LMBR1: variants seen among roughly 807,000 people sequenced by gnomAD.
LMBR1 encodes the protein limb region 1 protein homolog.
A neutral mutation model predicts 73.9 loss-of-function variants in LMBR1; 52 were observed. That is an observed-to-expected ratio of 0.70 (90% CI 0.56 to 0.89). LMBR1 has a LOEUF of 0.89. Ranked by LOEUF, LMBR1 falls within the 40% of genes least tolerant of loss-of-function variation. The pLI is 0.00. For missense variants in LMBR1, 539 were observed against 579.8 expected, an observed-to-expected ratio of 0.93 and a Z score of 0.72; for synonymous variants, 215 against 209.4, an observed-to-expected ratio of 1.03 and a Z score of -0.23.
intron 5 of LMBR1, among the ~76,000 whole-genome samples, chr7:156,781,487 T>G (rs1015482107): frequency 6.6e-6 from 1 of 152,136 alleles, no homozygotes; most frequent in Admixed American, 6.5e-5. Flanking sequence ...TCAGTGCAGA[T>G]GCATACATAC....
chr7:156,721,526 A>G lies in LMBR1; in HGVS notation c.1225+2586T>C, dbSNP rs145679016. Among the ~76,000 whole-genome samples, 505 of 152,212 alleles carry G rather than the reference A, an allele frequency of 3.3e-3. 10 individuals are homozygous for G. In the East Asian group the frequency reaches 0.036, roughly 11 times the overall value. On this transcript the variant is annotated intron_variant, in intron 15 of 16. Coordinates refer to ENST00000353442, the MANE Select transcript of LMBR1 (RefSeq NM_022458.4). ...TTTTATCACCCTGAGAGTCTATTAA[A>G]CTACACAGTAAACTGTTTACTAAAA...
chr7:156,800,096 T>C (rs1166407656), intron 4 of LMBR1, among the ~76,000 whole-genome samples: 2 of 152,222 alleles, frequency 1.3e-5, no homozygotes. Context: ...ATGGAGAAGC[T>C]GTAGCAAGTT....
rs1804703323 is a variant in LMBR1 at position 156,679,867 on chromosome 7, C to A, written c.*4211G>T. 1 of 152,112 alleles carries A rather than the reference C, an allele frequency of 6.6e-6. No individual in the cohort carries two copies. The highest frequency in any genetic ancestry group is 1.5e-5 in the Non-Finnish European group (1 of 68,026). The allele number at this position is 152,112 out of a possible 1,614,324, so 9.4% of individuals were successfully genotyped here. Reference sequence around the variant, plus strand: ...GAATAATGAGGTTTTGTGTGAAGTTCCTATTTGATTATAGTTAACCTTGAA... The same window carrying A: ...GAATAATGAGGTTTTGTGTGAAGTTACTATTTGATTATAGTTAACCTTGAA... On this transcript the variant is annotated 3_prime_UTR_variant, in exon 17 of 17. Transcript: ENST00000353442.
chr7:156,697,123 C>T (rs901486286), intron 15 of LMBR1, among the ~76,000 whole-genome samples: 3 of 152,060 alleles, frequency 2.0e-5, no homozygotes, highest in African/African-American at 2.4e-5. Flanking sequence ...TCAGTAGGAC[C>T]GTGATGCCCA....
Position 156,739,755 on chromosome 7 carries a change from G to A in LMBR1, c.758-5498C>T, listed in dbSNP as rs557055683. Reference sequence around the variant, plus strand: ...GAGGGCCGAGTTCCTTTGAATATCCGGAAAGCCTTCCCAAGAAAGACAGGC... The same window carrying A: ...GAGGGCCGAGTTCCTTTGAATATCCAGAAAGCCTTCCCAAGAAAGACAGGC... On this transcript the variant is annotated intron_variant, in intron 9 of 16. Coordinates refer to ENST00000353442, the MANE Select transcript of LMBR1 (RefSeq NM_022458.4). 3.3e-5 allele frequency among the ~76,000 whole-genome samples: 5 copies of A among 152,218 alleles called. No homozygotes were observed. In the South Asian group the frequency reaches 6.2e-4, roughly 19 times the overall value.
chr7:156,692,179 C>T (rs576338017), intron 15 of LMBR1, among the ~76,000 whole-genome samples: 55 of 152,222 alleles, frequency 3.6e-4, no homozygotes, highest in Non-Finnish European at 7.2e-4. Flanking sequence ...TGGGTTCAAG[C>T]GATTTTCCTG....
intron 5 of LMBR1, among the ~76,000 whole-genome samples, chr7:156,795,813 A>G (rs1389623764): frequency 6.6e-6 from 1 of 152,200 alleles, no homozygotes; most frequent in Non-Finnish European, 1.5e-5. Context: ...GCAGCCTCCC[A>G]AAGTGGTGGA....
At chr7:156,748,845 T>A (rs1820328168) in intron 9 of LMBR1, among the ~76,000 whole-genome samples, 1 of 152,214 alleles carries the variant, frequency 6.6e-6, no homozygotes, top group Admixed American at 6.5e-5. Flanking sequence ...ATAAAATATA[T>A]GATATTTAAC....
intron 15 of LMBR1, 111 bp downstream of exon 15, chr7:156,724,001 A>G (rs1195180974): frequency 4.1e-6 from 3 of 729,420 alleles, no homozygotes; most frequent in African/African-American, 1.8e-5. Context: ...TAATGTAGGA[A>G]GAAACACTGT....
Position 156,748,706 on chromosome 7 carries a change from C to T in LMBR1, c.757+7687G>A, listed in dbSNP as rs528768225. Among the ~76,000 whole-genome samples, 3 of 152,272 alleles carry T rather than the reference C, an allele frequency of 2.0e-5. No homozygotes were observed. In the South Asian group the frequency reaches 6.2e-4, roughly 32 times the overall value. ...GTTTCACCATGTTGGCCAGGCTGGT[C>T]TTGAACTCCTTACCTCAGGTGATCT... On this transcript the variant is annotated intron_variant, in intron 9 of 16. Coordinates refer to ENST00000353442, the MANE Select transcript of LMBR1 (RefSeq NM_022458.4).
chr7:156,877,126 C>T (rs971615465), intron 1 of LMBR1, among the ~76,000 whole-genome samples: 11 of 151,994 alleles, frequency 7.2e-5, no homozygotes, highest in Admixed American at 5.2e-4. Flanking sequence ...ATTATAAACA[C>T]CTTTAGACAC....
chr7:156,882,958 G>A (rs1342524464), intron 1 of LMBR1, among the ~76,000 whole-genome samples: 1 of 152,134 alleles, frequency 6.6e-6, no homozygotes, highest in East Asian at 1.9e-4. Flanking sequence ...TTGAACCCGG[G>A]AGGTGGAGGT....
intron 5 of LMBR1, among the ~76,000 whole-genome samples, chr7:156,782,981 T>C (rs1023254406): frequency 2.6e-5 from 4 of 152,200 alleles, no homozygotes; most frequent in African/African-American, 4.8e-5. Context: ...CTTGTAATAT[T>C]TGATAGAGGA....
rs75912904 is a variant in LMBR1 at position 156,837,680 on chromosome 7, G to C, written c.67-795C>G. Among the ~76,000 whole-genome samples, 1,273 of 152,050 alleles carry C rather than the reference G, an allele frequency of 8.4e-3. 12 individuals are homozygous for C. The highest frequency in any genetic ancestry group is 0.029 in the African/African-American group (1,213 of 41,474). ...CATACAAATGGAATCACAAATCAAT[G>C]TAGGTGGGAAATAATTATTCAATAG... is the stretch of plus-strand genomic sequence containing the variant. On this transcript the variant is annotated intron_variant, in intron 1 of 16. Coordinates refer to ENST00000353442, the MANE Select transcript of LMBR1 (RefSeq NM_022458.4).
intron 15 of LMBR1, among the ~76,000 whole-genome samples, chr7:156,712,497 C>CA (rs1215483601): frequency 1.3e-5 from 2 of 152,182 alleles, no homozygotes; most frequent in Non-Finnish European, 2.9e-5. Context: ...TCTGATCCAG[C>CA]AATCCCAGTA....
intron 4 of LMBR1, 51 bp from the exon 5 acceptor site, chr7:156,796,543 T>C: frequency 2.5e-6 from 3 of 1,203,352 alleles, no homozygotes; most frequent in Non-Finnish European, 3.5e-6. Flanking sequence ...ATATTGAAAT[T>C]GTGGTATTAA....
chr7:156,686,526 C>T (rs1806052964), intron 16 of LMBR1, among the ~76,000 whole-genome samples: 1 of 152,162 alleles, frequency 6.6e-6, no homozygotes, highest in African/African-American at 2.4e-5. Flanking sequence ...CCGTAGCACA[C>T]CCCAAAGAAT....
chr7:156,852,605 A>C lies in LMBR1; in HGVS notation c.67-15720T>G, dbSNP rs1796385937. Among the ~76,000 whole-genome samples the C allele has an allele frequency of 2.0e-5, 3 of 152,342 alleles. No homozygotes were observed. The South Asian group carries it at 6.2e-4, about 32-fold the overall frequency. On this transcript the variant is annotated intron_variant, in intron 1 of 16. Transcript: ENST00000353442. ...AAAAGTAACACCAAATAAAATCTTT[A>C]CATTATTGCCTTTTGCTAAACAGGG... is the stretch of plus-strand genomic sequence containing the variant.
intron 4 of LMBR1, among the ~76,000 whole-genome samples, chr7:156,810,718 T>G (rs1832944986): frequency 1.3e-5 from 2 of 151,214 alleles, no homozygotes; most frequent in African/African-American, 4.9e-5. Flanking sequence ...CAACATGAGG[T>G]ATGGGGGAAT....
Sources: allele counts gnomAD v4.1 joint callset (sites outside exome capture counted in the v4.1 genomes callset), GRCh38; gene constraint gnomAD v4.1.1; transcripts MANE v1.5; gene names NCBI Gene and HGNC (gene_info 2026-07-23, HGNC 2026-07-21).